The following SLC4A10 variants were observed in gnomAD, a reference collection of about 807,000 sequenced individuals.
The protein encoded by SLC4A10 is solute carrier family 4 member 10.
Under a neutral mutation model 137.7 loss-of-function variants are expected in SLC4A10, and 42 were observed. The observed-to-expected ratio is 0.30, with a 90% confidence interval of 0.24 to 0.39. The LOEUF (loss-of-function observed/expected upper bound fraction) is 0.39. Ranked by LOEUF, SLC4A10 falls within the 10% of genes least tolerant of loss-of-function variation. The probability of loss-of-function intolerance (pLI) is 1.00; values close to 1 mark genes in which losing one functional copy is unlikely to be tolerated. For missense variants in SLC4A10, 925 were observed against 1,355.0 expected (o/e 0.68, Z 4.98); for synonymous variants, 474 against 464.1 (o/e 1.02, Z -0.27).
intron 1 of SLC4A10, among the ~76,000 whole-genome samples, chr2:161,645,556 C>T (rs1012858292): frequency 2.0e-5 from 3 of 152,058 alleles, no homozygotes; most frequent in East Asian, 3.9e-4. Flanking sequence ...ATATTCCTTT[C>T]TTTAAAACTA....
At chr2:161,874,075 T>A in intron 8 of SLC4A10, 70 bp downstream of exon 8, 2 of 1,428,272 alleles carry the variant, frequency 1.4e-6, no homozygotes, top group South Asian at 2.4e-5. Context: ...GGCATGTGAT[T>A]CAAACATTAA....
At chr2:161,968,939 G>A (rs1229558552) in intron 23 of SLC4A10, among the ~76,000 whole-genome samples, 1 of 152,184 alleles carries the variant, frequency 6.6e-6, no homozygotes, top group East Asian at 1.9e-4. Context: ...TGATCTTACT[G>A]TGGCATCTTA....
intron 1 of SLC4A10, among the ~76,000 whole-genome samples, chr2:161,723,419 G>T (rs943301799): frequency 9.2e-5 from 14 of 152,148 alleles, no homozygotes; most frequent in Non-Finnish European, 1.8e-4. Context: ...AGTTGAAGGT[G>T]CAGGATTCAC....
chr2:161,826,611 T>A (rs1575150781), intron 3 of SLC4A10, among the ~76,000 whole-genome samples: 1 of 152,330 alleles, frequency 6.6e-6, no homozygotes, highest in African/African-American at 2.4e-5. Flanking sequence ...TGTGAGTTAT[T>A]AAGGCAATAT....
chr2:161,628,141 G>A (rs1368125386), intron 1 of SLC4A10, among the ~76,000 whole-genome samples: 1 of 151,976 alleles, frequency 6.6e-6, no homozygotes, highest in East Asian at 1.9e-4. Flanking sequence ...ATTTTCCTTT[G>A]ATATTCAATG....
intron 3 of SLC4A10, among the ~76,000 whole-genome samples, chr2:161,818,760 G>C (rs1228745647): frequency 6.6e-6 from 1 of 152,158 alleles, no homozygotes; most frequent in African/African-American, 2.4e-5. Context: ...CTTTGGTTCT[G>C]TTTATATACT....
chr2:161,665,886 C>T (rs1320420375), intron 1 of SLC4A10, among the ~76,000 whole-genome samples: 4 of 149,366 alleles, frequency 2.7e-5, no homozygotes, highest in African/African-American at 9.8e-5. Flanking sequence ...TTTGCTCTTT[C>T]TATGTTCAAA....
chr2:161,751,250 T>G (rs1285742820), intron 1 of SLC4A10, among the ~76,000 whole-genome samples: 1 of 151,720 alleles, frequency 6.6e-6, no homozygotes, highest in Non-Finnish European at 1.5e-5. Context: ...TTTAAATAAT[T>G]ATTGCCAAGT....
In SLC4A10 at chr2:161,802,808, G is replaced by A. The variant is rs73019302; in HGVS notation, c.131-1641G>A. On this transcript the variant is annotated intron_variant, in intron 2 of 26. Transcript: ENST00000446997. Reference sequence around the variant, plus strand: ...ACCTCTTTGTGTGCTTGGACAGAGAGCAAGAGAGGTAGCTCTTTGGTGTTT... The same window carrying A: ...ACCTCTTTGTGTGCTTGGACAGAGAACAAGAGAGGTAGCTCTTTGGTGTTT... 6.4e-3 allele frequency among the ~76,000 whole-genome samples: 981 copies of A among 152,200 alleles called. 12 individuals carry two copies. The highest frequency in any genetic ancestry group is 0.022 in the African/African-American group (931 of 41,546).
chr2:161,949,054 A>G (rs1694334500), intron 17 of SLC4A10, 94 bp from the exon 18 acceptor site: 2 of 736,336 alleles, frequency 2.7e-6, no homozygotes, highest in Admixed American at 4.9e-5. Context: ...ATTATGTCAT[A>G]AAGTGTTTAT....
intron 1 of SLC4A10, among the ~76,000 whole-genome samples, chr2:161,694,512 A>G (rs970791728): frequency 2.0e-5 from 3 of 151,908 alleles, no homozygotes; most frequent in Non-Finnish European, 2.9e-5. Flanking sequence ...GTTTCTATAT[A>G]TACTGTACAT....
chr2:161,763,409 G>A (rs536587840), intron 1 of SLC4A10, among the ~76,000 whole-genome samples: 45 of 152,016 alleles, frequency 3.0e-4, no homozygotes, highest in Non-Finnish European at 5.4e-4. Context: ...TTTAATGAAC[G>A]GACTATTTAT....
chr2:161,788,536 C>A (rs1407670810), intron 2 of SLC4A10, among the ~76,000 whole-genome samples: 1 of 151,966 alleles, frequency 6.6e-6, no homozygotes, highest in African/African-American at 2.4e-5. Context: ...TCATCCTGGG[C>A]AGGCAGGAAT....
At chr2:161,773,431 C>T (rs2051913055) in intron 2 of SLC4A10, among the ~76,000 whole-genome samples, 1 of 151,792 alleles carries the variant, frequency 6.6e-6, no homozygotes, top group Non-Finnish European at 1.5e-5. Flanking sequence ...GAACAAAACT[C>T]CAAAGAGCTT....
At chr2:161,929,537 C>T (rs1575692670) in intron 15 of SLC4A10, among the ~76,000 whole-genome samples, 1 of 152,098 alleles carries the variant, frequency 6.6e-6, no homozygotes, top group African/African-American at 2.4e-5. Flanking sequence ...AGCTAGGGAC[C>T]CCTGACCAAT....
rs1695806434 is a variant in SLC4A10 at position 161,957,103 on chromosome 2, A to G, written c.2656A>G (p.Asn886Asp). The G allele has an allele frequency of 2.5e-6, 4 of 1,613,634 alleles. No homozygotes were observed. Among genetic ancestry groups the G allele is most frequent in the Non-Finnish European group, 3.4e-6 (4 of 1,179,804 alleles). ...AATVLSITHV[N>D]SLKLESECSA... ...CACAGTCCTCTCCATCACTCATGTC[A>G]ATAGCCTAAAACTGGAATCAGAATG... Residue 886 changes from asparagine (N) to aspartate (D), a missense_variant, in exon 20 of 27, where the codon AAT (asparagine) becomes GAT (aspartate). Asn to Asp is a conservative substitution (Grantham distance 23, BLOSUM62 1). Coordinates refer to ENST00000446997, the MANE Select transcript of SLC4A10 (RefSeq NM_001178015.2).
intron 21 of SLC4A10, 112 bp downstream of exon 21, chr2:161,958,667 C>A: frequency 1.5e-6 from 1 of 648,292 alleles, no homozygotes; most frequent in East Asian, 3.0e-5. Context: ...GCTTTTAGAC[C>A]ACAATTAAAT....
rs17727881 is a variant in SLC4A10 at position 161,704,161 on chromosome 2, G to A, written c.49-66812G>A. 6.6e-3 allele frequency among the ~76,000 whole-genome samples: 1,001 copies of A among 151,780 alleles called. 2 individuals are homozygous for A. Among genetic ancestry groups the A allele is most frequent in the Middle Eastern group, 0.024 (7 of 294 alleles). On this transcript the variant is annotated intron_variant, in intron 1 of 26. Transcript: ENST00000446997. ...ATATCTAACTAACAATGATTAGTTA[G>A]ACAAATAGTGTCAAAAATTATGTCA...
At chr2:161,752,692 T>C (rs1162951227) in intron 1 of SLC4A10, among the ~76,000 whole-genome samples, 3 of 152,164 alleles carry the variant, frequency 2.0e-5, no homozygotes, top group South Asian at 2.1e-4. Context: ...GAGGGCATTA[T>C]GTTAAGTGAA....
Sources: allele counts gnomAD v4.1 joint callset (sites outside exome capture counted in the v4.1 genomes callset), GRCh38; gene constraint gnomAD v4.1.1; transcripts MANE v1.5; gene names NCBI Gene and HGNC (gene_info 2026-07-23, HGNC 2026-07-21).